Variants in HACD3 observed in about 807,000 individuals in gnomAD.
HACD3 encodes the protein very-long-chain (3R)-3-hydroxyacyl-CoA dehydratase 3.
HACD3 carries 30 observed loss-of-function variants against 55.2 expected under a neutral mutation model. The ratio of observed to expected loss-of-function variants is 0.54; its 90% CI spans 0.41 to 0.74. The LOEUF is 0.74. Among genes scored for constraint, HACD3 ranks in the 30% least tolerant of loss-of-function variants. The pLI, the probability that HACD3 is intolerant of heterozygous loss-of-function variation, is 0.00. For missense variants in HACD3, 363 were observed against 440.1 expected, an observed-to-expected ratio of 0.82 and a Z score of 1.57; for synonymous variants, 141 against 151.7, an observed-to-expected ratio of 0.93 and a Z score of 0.52.
intron 2 of HACD3, among the ~76,000 whole-genome samples, chr15:65,554,649 CCTGTAGTCCCAGCTACTCGGGAGG>C (rs1176710066): frequency 6.6e-4 from 100 of 152,256 alleles, no homozygotes; most frequent in African/African-American, 2.3e-3. Context: ...GTGGCGGGAG[CCTGTAGTCCCAGCTACTCGGGAGG>C]CTGAGGCAGG....
intron 4 of HACD3, among the ~76,000 whole-genome samples, chr15:65,557,280 C>G (rs1316088797): frequency 6.6e-6 from 1 of 152,106 alleles, no homozygotes; most frequent in African/African-American, 2.4e-5. Context: ...TAGAGACCAT[C>G]CTGGCTAGCA....
chr15:65,538,746 A>G (rs907339620), intron 1 of HACD3, among the ~76,000 whole-genome samples: 2 of 152,232 alleles, frequency 1.3e-5, no homozygotes, highest in African/African-American at 4.8e-5. Context: ...GACTCAATCA[A>G]TGAGACAAAC....
chr15:65,539,511 G>A (rs758073914), intron 1 of HACD3, among the ~76,000 whole-genome samples: 1 of 152,058 alleles, frequency 6.6e-6, no homozygotes, highest in Non-Finnish European at 1.5e-5. Flanking sequence ...GTGAGCCACC[G>A]TGCCCAGCCG....
Position 65,569,625 on chromosome 15 carries a change from T to C in HACD3, c.661-466T>C, listed in dbSNP as rs138960436. Among the ~76,000 whole-genome samples, 945 of 151,874 alleles carry C rather than the reference T, an allele frequency of 6.2e-3. 6 individuals are homozygous for C. Among genetic ancestry groups the C allele is most frequent in the Admixed American group, 0.016 (243 of 15,260 alleles). Reference sequence around the variant, plus strand: ...TGAGAGGCTGAAGTGGGAGGATTGCTTGAGCCCAGAAGTTCAAGGCTGCAG... The same window carrying C: ...TGAGAGGCTGAAGTGGGAGGATTGCCTGAGCCCAGAAGTTCAAGGCTGCAG... On this transcript the variant is annotated intron_variant, in intron 7 of 10. Transcript: ENST00000261875.
chr15:65,537,162 G>A (rs747224886), intron 1 of HACD3, among the ~76,000 whole-genome samples: 2 of 152,198 alleles, frequency 1.3e-5, no homozygotes, highest in Non-Finnish European at 2.9e-5. Context: ...GAAGCTAGCA[G>A]AAGTTGATTC....
intron 1 of HACD3, among the ~76,000 whole-genome samples, chr15:65,545,862 T>G (rs1011265460): frequency 6.6e-6 from 1 of 152,222 alleles, no homozygotes; most frequent in African/African-American, 2.4e-5. Flanking sequence ...GCAGGCCCTC[T>G]GGCAGCTTAG....
Position 65,564,200 on chromosome 15 carries a change from T to C in HACD3, c.533-15T>C. 1 of 1,611,350 alleles carries C rather than the reference T, an allele frequency of 6.2e-7. No individual in the cohort carries two copies. Among genetic ancestry groups the C allele is most frequent in the Non-Finnish European group, 8.5e-7 (1 of 1,178,038 alleles). On this transcript the variant is annotated splice_polypyrimidine_tract_variant and intron_variant, in intron 6 of 10. Transcript: ENST00000261875. ...TACCAACTGATTCACCCTTAATGTA[T>C]ATTTTTGCCTATAGAGTCCTTTTAT... is the stretch of plus-strand genomic sequence containing the variant.
At chr15:65,559,958 A>G (rs1433015047) in intron 5 of HACD3, among the ~76,000 whole-genome samples, 2 of 152,030 alleles carry the variant, frequency 1.3e-5, no homozygotes, top group African/African-American at 4.8e-5. Context: ...AGTGTAATAG[A>G]TTTTTGTAGT....
At chr15:65,571,727 C>A in intron 9 of HACD3, 73 bp downstream of exon 9, 1 of 1,138,874 alleles carries the variant, frequency 8.8e-7, no homozygotes, top group Non-Finnish European at 1.3e-6. Context: ...CCAGTCCTTT[C>A]TTCCCCGGCC....
chr15:65,564,428 G>A (rs1380700784), intron 7 of HACD3, 86 bp downstream of exon 7: 3 of 1,477,832 alleles, frequency 2.0e-6, no homozygotes, highest in Non-Finnish European at 1.8e-6. Flanking sequence ...TTTTCATGCT[G>A]CTCATAAAGA....
intron 5 of HACD3, 140 bp downstream of exon 5, chr15:65,558,871 C>A (rs1596213855): frequency 2.1e-6 from 2 of 952,064 alleles, no homozygotes; most frequent in South Asian, 1.5e-5. Context: ...GCTTTTAGGT[C>A]CAGTGCTTAA....
intron 1 of HACD3, among the ~76,000 whole-genome samples, chr15:65,540,704 A>G (rs1415326352): frequency 6.6e-6 from 1 of 152,132 alleles, no homozygotes; most frequent in African/African-American, 2.4e-5. Flanking sequence ...CATGGTAAGG[A>G]GCTTGGGTTT....
chr15:65,569,829 A>G (rs1038640559), intron 7 of HACD3, among the ~76,000 whole-genome samples: 3 of 152,236 alleles, frequency 2.0e-5, no homozygotes, highest in Non-Finnish European at 4.4e-5. Context: ...ATTTGGCAGT[A>G]TTCTTTAGAC....
rs2072412855 is a variant in HACD3, at chr15:65,577,262, C to G, written c.*883C>G. ...CAACGTAGTGAGACCCCTATCTCTA[C>G]AAAAAATAAAAAAATTAGCTGGGTG... On this transcript the variant is annotated 3_prime_UTR_variant, in exon 11 of 11. Transcript: ENST00000261875. The G allele has an allele frequency of 6.6e-6, 1 of 151,968 alleles. No homozygotes were observed. The highest frequency in any genetic ancestry group is 1.5e-5 in the Non-Finnish European group (1 of 68,000). 9.4% of individuals were successfully genotyped at this position (151,968 alleles called of 1,614,324 possible). A position where few individuals can be genotyped will look rare whatever the true frequency, so the allele number is the denominator to read the frequency against.
chr15:65,558,578 GT>G (rs1035658674), intron 4 of HACD3, 101 bp from the exon 5 acceptor site: 23 of 1,120,098 alleles, frequency 2.1e-5, no homozygotes, highest in Non-Finnish European at 2.9e-5. Flanking sequence ...AACTGGAGGA[GT>G]TGGCTTTGAG....
At position 65,539,033 on chromosome 15, in the gene HACD3, T is replaced by C. The variant is rs1313030941; in HGVS notation, c.87+8315T>C. ...ATATATACTGGGAAACCAGAAACTT[T>C]GTGTGACTCACTTTATTGTGATATT... On this transcript the variant is annotated intron_variant, in intron 1 of 10. Coordinates refer to ENST00000261875, the MANE Select transcript of HACD3 (RefSeq NM_016395.4). Among the ~76,000 whole-genome samples, 3 of 152,160 alleles carry C rather than the reference T, an allele frequency of 2.0e-5. No homozygotes were observed. The East Asian group carries it at 5.8e-4, about 29-fold the overall frequency.
chr15:65,560,548 A>C (rs1475634677), intron 5 of HACD3, among the ~76,000 whole-genome samples: 1 of 152,136 alleles, frequency 6.6e-6, no homozygotes, highest in Non-Finnish European at 1.5e-5. Flanking sequence ...CTCTAATCCC[A>C]GCACTTTGGG....
At chr15:65,565,912 C>G (rs142235661) in intron 7 of HACD3, 5 of 152,490 alleles carry the variant, frequency 3.3e-5, no homozygotes, top group Admixed American at 6.5e-5. Context: ...TTAACAGCAC[C>G]CAAGTCACCT....
intron 9 of HACD3, 59 bp from the exon 10 acceptor site, chr15:65,572,176 C>A (rs930536254): frequency 6.3e-7 from 1 of 1,595,172 alleles, no homozygotes; most frequent in African/African-American, 1.4e-5. Flanking sequence ...ACTGGAAGTT[C>A]CTGTCATTAA....
Sources: allele counts gnomAD v4.1 joint callset (sites outside exome capture counted in the v4.1 genomes callset), GRCh38; gene constraint gnomAD v4.1.1; transcripts MANE v1.5; gene names NCBI Gene and HGNC (gene_info 2026-07-23, HGNC 2026-07-21).